Variants in ZNF232 observed in about 807,000 individuals in gnomAD.
The protein encoded by ZNF232 is zinc finger and SCAN domain-containing protein 11.
Under a neutral mutation model 25.2 loss-of-function variants are expected in ZNF232, and 25 were observed. The observed-to-expected ratio is 0.99, with a 90% CI of 0.72 to 1.39. The LOEUF (loss-of-function observed/expected upper bound fraction) is 1.39, where lower values mean the gene tolerates loss of function less well. Among genes scored for constraint, ZNF232 ranks in the 40% most tolerant of loss-of-function variants. The pLI, the probability that ZNF232 is intolerant of heterozygous loss-of-function variation, is 0.00. For missense variants in ZNF232, 519 were observed against 520.9 expected, an observed-to-expected ratio of 1.00 and a Z score of 0.04; for synonymous variants, 193 against 182.9, an observed-to-expected ratio of 1.06 and a Z score of -0.45.
At chr17:5,109,153 C>A in intron 2 of ZNF232, 101 bp from the exon 3 acceptor site, 1 of 1,531,108 alleles carries the variant, frequency 6.5e-7, no homozygotes, top group South Asian at 1.2e-5. Context: ...CTCCTTGGAC[C>A]AAAGCTTCCA....
chr17:5,120,049 C>T (rs1421153870), intron 1 of ZNF232, among the ~76,000 whole-genome samples: 2 of 152,146 alleles, frequency 1.3e-5, no homozygotes, highest in Admixed American at 6.5e-5. Context: ...GGAGGCCTTA[C>T]GTGCCCTCTC....
At chr17:5,119,042 T>C (rs1470546104) in intron 1 of ZNF232, among the ~76,000 whole-genome samples, 4 of 152,184 alleles carry the variant, frequency 2.6e-5, no homozygotes, top group African/African-American at 4.8e-5. Flanking sequence ...GGGGTTTCAC[T>C]GGGGGCCTGC....
chr17:5,114,843 A>G (rs1005626407), upstream of ZNF232: 8 of 152,158 alleles, frequency 5.3e-5, no homozygotes, highest in African/African-American at 1.9e-4. Flanking sequence ...AATAACAAAC[A>G]AACAAAAAAG....
chr17:5,107,148 G>A (rs572989297), intron 3 of ZNF232, among the ~76,000 whole-genome samples: 3 of 151,576 alleles, frequency 2.0e-5, no homozygotes, highest in Non-Finnish European at 4.4e-5. Flanking sequence ...CAGCACTTTG[G>A]GAGGCCAGGG....
chr17:5,108,185 T>C (rs931257323), intron 3 of ZNF232, among the ~76,000 whole-genome samples: 4 of 152,188 alleles, frequency 2.6e-5, no homozygotes, highest in Non-Finnish European at 5.9e-5. Context: ...GCAGTTATGG[T>C]GTAAAAGCAA....
At chr17:5,115,506 G>A (rs1424960059), upstream of ZNF232, among the ~76,000 whole-genome samples, 2 of 151,626 alleles carry the variant, frequency 1.3e-5, no homozygotes. Flanking sequence ...AGCCGAGATG[G>A]CGCCACTGCA....
At chr17:5,106,622 C>T in intron 3 of ZNF232, 89 bp from the exon 4 acceptor site, 2 of 1,110,268 alleles carry the variant, frequency 1.8e-6, no homozygotes, top group East Asian at 2.5e-5. Flanking sequence ...ATATGACAAA[C>T]ATTCGAAGAA....
intron 1 of ZNF232, chr17:5,111,459 C>A (rs1481568077): frequency 2.3e-6 from 1 of 427,494 alleles, no homozygotes; most frequent in African/African-American, 2.0e-5. Context: ...TGCCCGGCGC[C>A]GCTGGCCCCA....
Position 5,109,385 on chromosome 17 carries a change from C to T in ZNF232, c.498+9G>A. On this transcript the variant is annotated intron_variant, in intron 2 of 3. Coordinates refer to ENST00000575898, the Ensembl canonical transcript of ZNF232. ...TGGCTCCCATAACAGACCAAATCCC[C>T]CTTCCCACCTGCGGCTCTGGTTCAA... The T allele has an allele frequency of 6.2e-7, 1 of 1,614,138 alleles. No individual in the cohort carries two copies. Among genetic ancestry groups the T allele is most frequent in the Non-Finnish European group, 8.5e-7 (1 of 1,180,024 alleles).
At chr17:5,110,652 T>C (rs762635307) in intron 1 of ZNF232, among the ~76,000 whole-genome samples, 6 of 152,336 alleles carry the variant, frequency 3.9e-5, no homozygotes, top group Admixed American at 6.5e-5. Context: ...TGGATCTCAT[T>C]CAAATGCCAA....
At chr17:5,109,022 C>G (rs1283298229) in exon 3 of ZNF232, 2 of 1,614,012 alleles carry the variant, frequency 1.2e-6, no homozygotes, top group African/African-American at 2.7e-5. Context: ...CATGGCTCTT[C>G]CTGTGCAGGT....
upstream of ZNF232, chr17:5,111,858 T>C: frequency 1.2e-6 from 2 of 1,613,258 alleles, no homozygotes; most frequent in Non-Finnish European, 1.7e-6. Flanking sequence ...CTTACAGCCC[T>C]CACCCCAGGG....
At chr17:5,109,656 C>A in exon 2 of ZNF232, 1 of 1,614,176 alleles carries the variant, frequency 6.2e-7, no homozygotes, top group Non-Finnish European at 8.5e-7. Flanking sequence ...GAAGCGTTGG[C>A]GGAAGATCTC....
At chr17:5,122,601 ACCCTCCGCTGCGGGG>A (rs1222034659) in intron 1 of ZNF232, among the ~76,000 whole-genome samples, 6 of 151,488 alleles carry the variant, frequency 4.0e-5, no homozygotes, top group Non-Finnish European at 5.9e-5. Context: ...CCCAGCCCCG[ACCCTCCGCTGCGGGG>A]CCCTCCCGGA....
chr17:5,115,965 G>A (rs1195591135), upstream of ZNF232, among the ~76,000 whole-genome samples: 1 of 152,226 alleles, frequency 6.6e-6, no homozygotes, highest in Non-Finnish European at 1.5e-5. Context: ...TGCGTGCGCC[G>A]AAAGGGCCTC....
Position 5,109,888 on chromosome 17 carries a change from C to A in ZNF232, c.24-20G>T. ...GGCCCCCTGTAACATAAGAAGAAAT[C>A]ATTCCTCTTTTTTTTTTTTAAGACA... On this transcript the variant is annotated intron_variant, in intron 1 of 3. Coordinates refer to ENST00000575898, the Ensembl canonical transcript of ZNF232. 1 of 1,559,852 alleles carries A rather than the reference C, an allele frequency of 6.4e-7. No homozygotes were observed. Among genetic ancestry groups the A allele is most frequent in the Non-Finnish European group, 8.6e-7 (1 of 1,157,146 alleles).
upstream of ZNF232, chr17:5,112,038 T>C (rs2072429102): frequency 1.5e-6 from 1 of 680,768 alleles, no homozygotes; most frequent in South Asian, 2.0e-5. Context: ...GCGCGCCGCC[T>C]GCACGACTGG....
upstream of ZNF232, among the ~76,000 whole-genome samples, chr17:5,115,379 C>G (rs888252626): frequency 2.0e-5 from 3 of 151,974 alleles, no homozygotes; most frequent in Non-Finnish European, 4.4e-5. Flanking sequence ...TGGTGAAACC[C>G]TCTCTCTACT....
At chr17:5,113,977 G>A (rs1006197381), upstream of ZNF232, 1 of 152,200 alleles carries the variant, frequency 6.6e-6, no homozygotes, top group African/African-American at 2.4e-5. Context: ...GATTTATCTT[G>A]TGGTAAGCAT....
Sources: gnomAD v4.1 joint callset for allele counts (sites outside exome capture counted in the v4.1 genomes callset) on GRCh38, gnomAD v4.1.1 for gene constraint, MANE v1.5 for transcripts, NCBI Gene and HGNC (gene_info 2026-07-23, HGNC 2026-07-21) for gene names.